Variants in CAMTA1 observed in about 807,000 individuals in gnomAD.
CAMTA1 encodes the protein calmodulin-binding transcription activator 1.
Under a neutral mutation model 170.9 loss-of-function variants are expected in CAMTA1, and 27 were observed. That is an observed-to-expected ratio of 0.16 (90% confidence interval 0.12 to 0.22). The LOEUF (loss-of-function observed/expected upper bound fraction) is 0.22. CAMTA1 is among the 10% of genes least tolerant of loss of function. The pLI is 1.00. For missense variants in CAMTA1, 1,619 were observed against 2,217.2 expected, an observed-to-expected ratio of 0.73 and a Z score of 5.42; for synonymous variants, 833 against 891.5, an observed-to-expected ratio of 0.93 and a Z score of 1.17.
At chr1:7,396,481 C>T (rs2089316639) in intron 5 of CAMTA1, among the ~76,000 whole-genome samples, 1 of 152,176 alleles carries the variant, frequency 6.6e-6, no homozygotes. Context: ...CTTGGTTGCC[C>T]TTTATTTCTT....
chr1:6,992,907 A>G (rs2100467180), intron 3 of CAMTA1, among the ~76,000 whole-genome samples: 1 of 152,360 alleles, frequency 6.6e-6, no homozygotes, highest in South Asian at 2.1e-4. Context: ...ACTTTTATGT[A>G]TGGTGTAAGG....
At chr1:7,107,466 G>C (rs1331663405) in intron 4 of CAMTA1, among the ~76,000 whole-genome samples, 1 of 152,168 alleles carries the variant, frequency 6.6e-6, no homozygotes, top group Non-Finnish European at 1.5e-5. Context: ...ATAGGGTCGG[G>C]AGAGACAATG....
intron 11 of CAMTA1, among the ~76,000 whole-genome samples, chr1:7,692,972 C>A (rs1410215347): frequency 6.6e-6 from 1 of 152,248 alleles, no homozygotes; most frequent in Admixed American, 6.5e-5. Context: ...GTGCCTCCAT[C>A]TGGAGGGAAC....
chr1:7,450,239 T>C (rs533356929), intron 5 of CAMTA1, among the ~76,000 whole-genome samples: 2 of 152,304 alleles, frequency 1.3e-5, no homozygotes, highest in South Asian at 4.1e-4. Flanking sequence ...TCCTTGAAGG[T>C]TGTTGTAAGG....
chr1:7,420,777 G>A (rs982302024), intron 5 of CAMTA1, among the ~76,000 whole-genome samples: 1 of 152,234 alleles, frequency 6.6e-6, no homozygotes, highest in African/African-American at 2.4e-5. Context: ...AAGTACAAAT[G>A]TGTCTGTGCA....
intron 5 of CAMTA1, among the ~76,000 whole-genome samples, chr1:7,394,166 T>G (rs577555179): frequency 6.6e-6 from 1 of 152,264 alleles, no homozygotes; most frequent in South Asian, 2.1e-4. Flanking sequence ...AACATGGGAG[T>G]GCAGATATAA....
intron 6 of CAMTA1, among the ~76,000 whole-genome samples, chr1:7,613,509 G>A (rs2095537499): frequency 6.6e-6 from 1 of 152,168 alleles, no homozygotes. Context: ...CGGAGGCGCA[G>A]AGGCAGCAAC....
At chr1:7,247,988 A>G (rs979826265) in intron 4 of CAMTA1, among the ~76,000 whole-genome samples, 1 of 152,180 alleles carries the variant, frequency 6.6e-6, no homozygotes, top group Admixed American at 6.5e-5. Context: ...CACTGACACA[A>G]ACCAATTGTG....
At chr1:6,922,781 A>G (rs1682298062) in intron 3 of CAMTA1, among the ~76,000 whole-genome samples, 1 of 152,170 alleles carries the variant, frequency 6.6e-6, no homozygotes, top group South Asian at 2.1e-4. Flanking sequence ...GGATTTGCAG[A>G]CATGTTTTAA....
intron 6 of CAMTA1, among the ~76,000 whole-genome samples, chr1:7,549,247 G>T (rs2094764765): frequency 6.6e-6 from 1 of 151,752 alleles, no homozygotes; most frequent in African/African-American, 2.4e-5. Context: ...GTCCCTCTTA[G>T]GGGTGGAGGT....
At chr1:7,574,929 A>G (rs1311739736) in intron 6 of CAMTA1, among the ~76,000 whole-genome samples, 1 of 152,208 alleles carries the variant, frequency 6.6e-6, no homozygotes, top group East Asian at 1.9e-4. Context: ...CCACCAGGGA[A>G]GGACGGACAT....
At chr1:7,256,694 T>TCATA (rs1312592696) in intron 5 of CAMTA1, among the ~76,000 whole-genome samples, 1 of 152,216 alleles carries the variant, frequency 6.6e-6, no homozygotes, top group African/African-American at 2.4e-5. Context: ...TCACAAAAGA[T>TCATA]CATAGACTGG....
At chr1:7,244,217 C>T (rs1378460550) in intron 4 of CAMTA1, among the ~76,000 whole-genome samples, 11 of 152,118 alleles carry the variant, frequency 7.2e-5, no homozygotes, top group South Asian at 2.1e-4. Context: ...GTTAGAATGG[C>T]GATCATTAAA....
chr1:7,492,756 CACAAACCTACAT>C (rs2093734641), intron 6 of CAMTA1, among the ~76,000 whole-genome samples: 1 of 136,978 alleles, frequency 7.3e-6, no homozygotes, highest in Non-Finnish European at 1.6e-5. Flanking sequence ...CGCACACACA[CACAAACCTACAT>C]ACACAAGTGC....
In CAMTA1 at chr1:7,519,099, A is replaced by C. The variant is rs145173173; in HGVS notation, c.510+51198A>C. On this transcript the variant is annotated intron_variant, in intron 6 of 22. Coordinates refer to ENST00000303635, the MANE Select transcript of CAMTA1 (RefSeq NM_015215.4). ...AAAGGAAGAAAAAATGTTAATATGC[A>C]ATTAAAGTTGAGATCATAAACAGGT... Among the ~76,000 whole-genome samples, 19 of 152,176 alleles carry C rather than the reference A, an allele frequency of 1.2e-4. No individual in the cohort carries two copies. The East Asian group carries it at 3.7e-3, about 29-fold the overall frequency.
chr1:7,005,349 C>T (rs1025205031), intron 3 of CAMTA1, among the ~76,000 whole-genome samples: 10 of 152,250 alleles, frequency 6.6e-5, no homozygotes, highest in Non-Finnish European at 1.5e-4. Context: ...AGGAGGGCTA[C>T]ATCCCTTTGG....
intron 6 of CAMTA1, among the ~76,000 whole-genome samples, chr1:7,498,740 GGAT>G (rs2093890356): frequency 9.7e-6 from 1 of 103,570 alleles, no homozygotes; most frequent in Non-Finnish European, 1.9e-5. Context: ...TGTGCAGAGA[GGAT>G]GAGTGTGCAG....
At chr1:7,582,689 C>T (rs1011141247) in intron 6 of CAMTA1, among the ~76,000 whole-genome samples, 5 of 152,066 alleles carry the variant, frequency 3.3e-5, no homozygotes, top group African/African-American at 1.2e-4. Flanking sequence ...AGAGGCACAG[C>T]CCCTCCTTTT....
chr1:6,886,390 T>C (rs942079799), intron 3 of CAMTA1: 1 of 420,460 alleles, frequency 2.4e-6, no homozygotes, highest in African/African-American at 2.1e-5. Context: ...TTTGTTGTGC[T>C]GATATCTTAA....
Sources: gnomAD v4.1 joint callset for allele counts (sites outside exome capture counted in the v4.1 genomes callset) on GRCh38, gnomAD v4.1.1 for gene constraint, MANE v1.5 for transcripts, NCBI Gene and HGNC (gene_info 2026-07-23, HGNC 2026-07-21) for gene names.